EYS: variants seen among roughly 807,000 people sequenced by gnomAD.
The protein encoded by EYS is protein eyes shut homolog.
Under a neutral mutation model 282.1 loss-of-function variants are expected in EYS, and 250 were observed. The ratio of observed to expected loss-of-function variants is 0.89; its 90% confidence interval spans 0.80 to 0.98. The LOEUF (loss-of-function observed/expected upper bound fraction) is 0.98. Among genes scored for constraint, EYS ranks in the 50% least tolerant of loss-of-function variants. The pLI is 0.00. For missense variants in EYS, 4,016 were observed against 3,709.0 expected (o/e 1.08, Z -2.15); for synonymous variants, 1,355 against 1,282.9 (o/e 1.06, Z -1.20).
At chr6:64,685,076 T>C (rs749136372) in intron 22 of EYS, among the ~76,000 whole-genome samples, 55 of 152,014 alleles carry the variant, frequency 3.6e-4, no homozygotes, top group Admixed American at 2.0e-4. Flanking sequence ...AGGTAAAAGA[T>C]GAAAAGCAGT....
At chr6:65,066,747 C>T (rs1213324855) in intron 12 of EYS, among the ~76,000 whole-genome samples, 1 of 152,094 alleles carries the variant, frequency 6.6e-6, no homozygotes, top group African/African-American at 2.4e-5. Flanking sequence ...TCTTAGTAGA[C>T]ATTTGCTAAT....
At chr6:64,190,546 A>C (rs1295080131) in intron 31 of EYS, among the ~76,000 whole-genome samples, 1 of 152,218 alleles carries the variant, frequency 6.6e-6, no homozygotes, top group Admixed American at 6.5e-5. Context: ...TTCAGGTTTC[A>C]AGAGATGCCA....
At chr6:64,198,432 G>A (rs113970330) in intron 31 of EYS, among the ~76,000 whole-genome samples, 34 of 152,164 alleles carry the variant, frequency 2.2e-4, no homozygotes, top group African/African-American at 7.0e-4. Flanking sequence ...TAGGTCTTAA[G>A]TCCCACATTA....
intron 35 of EYS, among the ~76,000 whole-genome samples, chr6:63,945,827 G>T (rs955806766): frequency 2.0e-5 from 3 of 152,106 alleles, no homozygotes; most frequent in African/African-American, 7.2e-5. Context: ...CATCAAATAA[G>T]GTGAACTGGT....
intron 40 of EYS, among the ~76,000 whole-genome samples, chr6:63,776,142 G>A (rs1456511342): frequency 6.6e-6 from 1 of 151,996 alleles, no homozygotes; most frequent in Non-Finnish European, 1.5e-5. Flanking sequence ...CCACCCACAC[G>A]GCAATCTATG....
intron 29 of EYS, among the ~76,000 whole-genome samples, chr6:64,338,437 C>T (rs930461694): frequency 6.6e-6 from 1 of 151,764 alleles, no homozygotes; most frequent in African/African-American, 2.4e-5. Flanking sequence ...GGTGAAAAAC[C>T]TCCTCAAGGA....
At chr6:65,526,866 G>C (rs1039113892) in intron 2 of EYS, among the ~76,000 whole-genome samples, 2 of 152,054 alleles carry the variant, frequency 1.3e-5, no homozygotes, top group African/African-American at 4.8e-5. Context: ...AATAACGAGA[G>C]GGCACTGCAT....
At chr6:64,499,492 T>G (rs1422540298) in intron 26 of EYS, among the ~76,000 whole-genome samples, 1 of 152,200 alleles carries the variant, frequency 6.6e-6, no homozygotes, top group Non-Finnish European at 1.5e-5. Flanking sequence ...TGCTATGGCA[T>G]GCCTGTGCAA....
At chr6:64,374,982 G>C (rs1027751412) in intron 29 of EYS, among the ~76,000 whole-genome samples, 1 of 152,156 alleles carries the variant, frequency 6.6e-6, no homozygotes, top group African/African-American at 2.4e-5. Context: ...TCTCTTCACT[G>C]ACTCTTAGCA....
intron 12 of EYS, among the ~76,000 whole-genome samples, chr6:65,090,599 T>C (rs1774530287): frequency 6.6e-6 from 1 of 152,100 alleles, no homozygotes; most frequent in Non-Finnish European, 1.5e-5. Flanking sequence ...TAATATTTCC[T>C]AAATGAATGG....
intron 2 of EYS, among the ~76,000 whole-genome samples, chr6:65,607,151 G>T (rs1765827911): frequency 1.3e-5 from 2 of 151,638 alleles, no homozygotes; most frequent in Admixed American, 1.3e-4. Context: ...TCAACCACTT[G>T]CAATTTAATT....
intron 15 of EYS, among the ~76,000 whole-genome samples, chr6:64,940,344 A>G (rs997445595): frequency 1.3e-5 from 2 of 152,082 alleles, no homozygotes; most frequent in Admixed American, 6.6e-5. Flanking sequence ...ACAGAAACGC[A>G]TATACAAGTT....
chr6:64,989,488 A>ATATATATATATATAT (rs1214957113), intron 14 of EYS, among the ~76,000 whole-genome samples: 1 of 113,490 alleles, frequency 8.8e-6, no homozygotes, highest in Non-Finnish European at 1.8e-5. Context: ...TATATATATA[A>ATATATATATATATAT]GAATATATAT....
At chr6:64,996,072 T>A (rs971000129) in intron 14 of EYS, among the ~76,000 whole-genome samples, 2 of 152,098 alleles carry the variant, frequency 1.3e-5, no homozygotes, top group East Asian at 3.9e-4. Context: ...TATGGATGTG[T>A]ACATTAGATG....
intron 28 of EYS, among the ~76,000 whole-genome samples, chr6:64,392,942 G>T (rs1352932308): frequency 6.6e-6 from 1 of 151,772 alleles, no homozygotes; most frequent in Non-Finnish European, 1.5e-5. Context: ...ATGATAAAGG[G>T]GATATCACCA....
intron 8 of EYS, among the ~76,000 whole-genome samples, chr6:65,361,276 C>T (rs942638251): frequency 6.6e-6 from 1 of 151,856 alleles, no homozygotes; most frequent in Non-Finnish European, 1.5e-5. Flanking sequence ...TGACGAGTTA[C>T]TGGGTGCAGC....
At chr6:64,206,986 C>T (rs774467184) in intron 31 of EYS, among the ~76,000 whole-genome samples, 20 of 152,072 alleles carry the variant, frequency 1.3e-4, no homozygotes, top group Non-Finnish European at 1.0e-4. Context: ...CCTTCCACCC[C>T]GTAATAGGCC....
At chr6:64,696,402 T>TTC (rs200285377) in intron 22 of EYS, among the ~76,000 whole-genome samples, 1,599 of 152,256 alleles carry the variant, frequency 0.011, 14 homozygotes, top group South Asian at 0.032. Flanking sequence ...ATCATATGTA[T>TTC]TCCAGAGGGA....
intron 26 of EYS, among the ~76,000 whole-genome samples, chr6:64,508,131 A>G (rs1452869818): frequency 6.6e-6 from 1 of 152,190 alleles, no homozygotes; most frequent in East Asian, 1.9e-4. Flanking sequence ...AATAACAATC[A>G]AGTGTTCTAT....
Sources: allele counts gnomAD v4.1 joint callset (sites outside exome capture counted in the v4.1 genomes callset), GRCh38; gene constraint gnomAD v4.1.1; transcripts MANE v1.5; gene names NCBI Gene and HGNC (gene_info 2026-07-23, HGNC 2026-07-21).